TMEM233: variants seen among roughly 807,000 people sequenced by gnomAD.
TMEM233 encodes the protein transmembrane protein 233.
Under a neutral mutation model 11.2 loss-of-function variants are expected in TMEM233, and 6 were observed. The ratio of observed to expected loss-of-function variants is 0.54; its 90% confidence interval spans 0.29 to 1.06. The LOEUF (loss-of-function observed/expected upper bound fraction) is 1.06, where lower values mean the gene tolerates loss of function less well. Among genes scored for constraint, TMEM233 ranks in the 50% least tolerant of loss-of-function variants. TMEM233 has a pLI of 0.08. For synonymous variants in TMEM233, 59 were observed against 55.8 expected (o/e 1.06, Z -0.26); for missense variants, 127 against 144.7 (o/e 0.88, Z 0.63).
At chr12:119,617,471 A>G (rs1363441977) in intron 1 of TMEM233, among the ~76,000 whole-genome samples, 1 of 152,166 alleles carries the variant, frequency 6.6e-6, no homozygotes, top group Admixed American at 6.5e-5. Flanking sequence ...AAATTTCTAC[A>G]TGGCAAAGCA....
intron 1 of TMEM233, among the ~76,000 whole-genome samples, chr12:119,599,174 C>G (rs1487690049): frequency 6.6e-6 from 1 of 152,166 alleles, no homozygotes; most frequent in South Asian, 2.1e-4. Flanking sequence ...ACCTGTTTTG[C>G]TCCCACCCCT....
chr12:119,649,710 A>G, the TMEM233 span, among the ~76,000 whole-genome samples: 4 of 152,190 alleles, frequency 2.6e-5, no homozygotes, highest in African/African-American at 7.2e-5. Context: ...TGTAGATTCA[A>G]TTAGTCACAC....
At chr12:119,612,971 A>G (rs998041096) in intron 1 of TMEM233, among the ~76,000 whole-genome samples, 1 of 151,800 alleles carries the variant, frequency 6.6e-6, no homozygotes, top group East Asian at 1.9e-4. Context: ...TTGTTTTTTT[A>G]TTATTATACT....
intron 1 of TMEM233, among the ~76,000 whole-genome samples, chr12:119,600,047 C>G (rs745521562): frequency 6.6e-6 from 1 of 152,114 alleles, no homozygotes; most frequent in Non-Finnish European, 1.5e-5. Flanking sequence ...AGAGAGGATG[C>G]AATCCACCCA....
the TMEM233 span, among the ~76,000 whole-genome samples, chr12:119,649,924 C>G: frequency 6.8e-6 from 1 of 147,758 alleles, no homozygotes; most frequent in East Asian, 2.0e-4. Context: ...TTTGGGAGGC[C>G]GAGGTGAGCG....
chr12:119,614,060 G>A (rs113452337), intron 1 of TMEM233, among the ~76,000 whole-genome samples: 4 of 152,136 alleles, frequency 2.6e-5, no homozygotes, highest in African/African-American at 7.2e-5. Flanking sequence ...AATGAAGAAT[G>A]TGAGTTTCTC....
intron 1 of TMEM233, among the ~76,000 whole-genome samples, chr12:119,625,355 A>G (rs1326151144): frequency 4.8e-5 from 7 of 144,952 alleles, no homozygotes; most frequent in African/African-American, 1.8e-4. Context: ...GTCCTTCTGT[A>G]CATAACTTCT....
intron 1 of TMEM233, among the ~76,000 whole-genome samples, chr12:119,607,024 C>A (rs1954293870): frequency 6.6e-6 from 1 of 152,174 alleles, no homozygotes; most frequent in South Asian, 2.1e-4. Flanking sequence ...GCAAAGAGAT[C>A]CTTCATTCTT....
Position 119,641,079 on chromosome 12 carries a change from G to T in TMEM233, c.*374G>T. Reference sequence around the variant, plus strand: ...AGGGGATCCAGGGGGTCTCCATATAGGGGGAGATGGAGGTTTCTAGGAAGA... The same window carrying T: ...AGGGGATCCAGGGGGTCTCCATATATGGGGAGATGGAGGTTTCTAGGAAGA... On this transcript the variant is annotated 3_prime_UTR_variant, in exon 3 of 3. Transcript: ENST00000426426. The T allele has an allele frequency of 4.5e-6, 1 of 222,476 alleles. No homozygotes were observed. The highest frequency in any genetic ancestry group is 8.8e-6 in the Non-Finnish European group (1 of 113,406). 13.8% of individuals were successfully genotyped at this position (222,476 alleles called of 1,614,324 possible).
rs961234796 is a variant in TMEM233 at position 119,595,632 on chromosome 12, G to C, written c.186+1598G>C. Among the ~76,000 whole-genome samples the C allele has an allele frequency of 5.3e-5, 8 of 152,086 alleles. No individual in the cohort carries two copies. Among genetic ancestry groups the C allele is most frequent in the African/African-American group, 1.9e-4 (8 of 41,400 alleles). On this transcript the variant is annotated intron_variant, in intron 1 of 2. Coordinates refer to ENST00000426426, the MANE Select transcript of TMEM233 (RefSeq NM_001136534.3). The surrounding 1 kb of genome is among the most constrained non-coding windows in gnomAD (Gnocchi z 4.3). The stretch of plus-strand genomic sequence containing the variant: ...AGAATAATCATAGCCATGTTTCTTG[G>C]GGTTGTTGGGAGCATTCATGACATA...
At chr12:119,601,772 TAAAG>T (rs906722541) in intron 1 of TMEM233, among the ~76,000 whole-genome samples, 100 of 150,868 alleles carry the variant, frequency 6.6e-4, no homozygotes, top group Admixed American at 5.9e-3. Context: ...GAGAGAAAAA[TAAAG>T]ACATTTCCAG....
chr12:119,616,039 G>T (rs1341859754), intron 1 of TMEM233, among the ~76,000 whole-genome samples: 1 of 152,166 alleles, frequency 6.6e-6, no homozygotes, highest in African/African-American at 2.4e-5. Flanking sequence ...TCCAGGGAAG[G>T]GGTGTATAAA....
chr12:119,646,404 A>C (rs1431868478), downstream of TMEM233, among the ~76,000 whole-genome samples: 1 of 152,138 alleles, frequency 6.6e-6, no homozygotes, highest in Non-Finnish European at 1.5e-5. Context: ...AACCATTACA[A>C]ACTTAATGAG....
chr12:119,617,561 C>T (rs374183496), intron 1 of TMEM233, among the ~76,000 whole-genome samples: 6 of 152,144 alleles, frequency 3.9e-5, no homozygotes, highest in South Asian at 2.1e-4. Flanking sequence ...CAGCCGGGCA[C>T]GGTGGCTCAT....
intron 1 of TMEM233, among the ~76,000 whole-genome samples, chr12:119,616,718 C>T (rs1047825961): frequency 5.3e-5 from 8 of 152,122 alleles, no homozygotes; most frequent in Non-Finnish European, 1.0e-4. Context: ...TTGTAGCTCC[C>T]ATAATCCCCA....
At position 119,595,784 on chromosome 12, in the gene TMEM233, G is replaced by T. The variant is rs1014606183; in HGVS notation, c.186+1750G>T. On this transcript the variant is annotated intron_variant, in intron 1 of 2. Transcript: ENST00000426426. The surrounding 1 kb of genome is among the most constrained non-coding windows in gnomAD (Gnocchi z 4.3). ...CAGGACCCCCATCCACCCACCCCGC[G>T]CAAGCTCTGTTCTTCCTTCCCTGCT... is the stretch of plus-strand genomic sequence containing the variant. Among the ~76,000 whole-genome samples, 1 of 152,146 alleles carries T rather than the reference G, an allele frequency of 6.6e-6. No individual in the cohort carries two copies. Among genetic ancestry groups the T allele is most frequent in the Non-Finnish European group, 1.5e-5 (1 of 68,020 alleles).
intron 2 of TMEM233, among the ~76,000 whole-genome samples, chr12:119,630,124 A>T (rs983377437): frequency 6.6e-6 from 1 of 152,246 alleles, no homozygotes; most frequent in African/African-American, 2.4e-5. Flanking sequence ...CAGGCCCTAC[A>T]TCCTCTGGAC....
rs1955081726 is a variant in TMEM233, at chr12:119,641,413, A to C, written c.*708A>C. 1 of 152,060 alleles carries C rather than the reference A, an allele frequency of 6.6e-6. No individual in the cohort carries two copies. 9.4% of individuals were successfully genotyped at this position (152,060 alleles called of 1,614,324 possible). ...TCACTCAAACAGGCTCTGAGAATGG[A>C]CTTAGTGGCCAATTCTAGGTACATG... On this transcript the variant is annotated 3_prime_UTR_variant, in exon 3 of 3. Transcript: ENST00000426426.
Position 119,639,771 on chromosome 12 carries a change from T to A in TMEM233, c.324-928T>A, listed in dbSNP as rs115790453. Among the ~76,000 whole-genome samples, 890 of 152,286 alleles carry A rather than the reference T, an allele frequency of 5.8e-3. 7 individuals are homozygous for A. Among genetic ancestry groups the A allele is most frequent in the African/African-American group, 0.02 (846 of 41,550 alleles). ...TGTTTTCTCATACATAAAATGGGGA[T>A]AATAACAGTGCCTATCTCATAGGGC... On this transcript the variant is annotated intron_variant, in intron 2 of 2. Coordinates refer to ENST00000426426, the MANE Select transcript of TMEM233 (RefSeq NM_001136534.3).
Sources: gnomAD v4.1 joint callset for allele counts (sites outside exome capture counted in the v4.1 genomes callset) on GRCh38, gnomAD v4.1.1 for gene constraint, Gnocchi (gnomAD v3.1) non-coding constraint, MANE v1.5 for transcripts, NCBI Gene and HGNC (gene_info 2026-07-23, HGNC 2026-07-21) for gene names.